Variants in XPO6 observed in about 807,000 individuals in gnomAD.
XPO6 encodes the protein exportin-6.
A neutral mutation model predicts 130.0 loss-of-function variants in XPO6; 3 were observed. The observed-to-expected ratio is 0.02, with a 90% confidence interval of 0.01 to 0.06. XPO6 has a LOEUF of 0.06. XPO6 is among the 10% of genes least tolerant of loss of function. The pLI is 1.00. For missense variants in XPO6, 970 were observed against 1,393.0 expected (o/e 0.70, Z 4.83); for synonymous variants, 524 against 548.9 (o/e 0.95, Z 0.63).
intron 14 of XPO6, among the ~76,000 whole-genome samples, chr16:28,119,359 A>G (rs182424459): frequency 8.4e-4 from 128 of 152,268 alleles, no homozygotes; most frequent in Non-Finnish European, 1.4e-3. Context: ...CAACAATTAC[A>G]GGGAAATTTG....
At chr16:28,099,168 G>C (rs2086599519) in intron 23 of XPO6, among the ~76,000 whole-genome samples, 1 of 152,182 alleles carries the variant, frequency 6.6e-6, no homozygotes, top group African/African-American at 2.4e-5. Context: ...CCCCTCGAGA[G>C]CCACCCGAGC....
At chr16:28,131,739 T>G (rs2042674289) in intron 12 of XPO6, among the ~76,000 whole-genome samples, 1 of 152,148 alleles carries the variant, frequency 6.6e-6, no homozygotes, top group African/African-American at 2.4e-5. Flanking sequence ...TTAAGTAATA[T>G]AAGTCAATAA....
intron 1 of XPO6, among the ~76,000 whole-genome samples, chr16:28,197,744 G>A (rs919124583): frequency 3.2e-4 from 49 of 151,182 alleles, no homozygotes; most frequent in African/African-American, 1.2e-3. Context: ...GTGAAACCCC[G>A]TCTCTACTAA....
intron 6 of XPO6, among the ~76,000 whole-genome samples, chr16:28,157,835 G>T (rs930337676): frequency 2.0e-5 from 3 of 152,232 alleles, no homozygotes; most frequent in African/African-American, 7.2e-5. Flanking sequence ...CCATTCTGAG[G>T]AGGACCTGGC....
chr16:28,133,763 G>A, intron 11 of XPO6, 78 bp downstream of exon 11: 2 of 1,309,414 alleles, frequency 1.5e-6, no homozygotes, highest in East Asian at 2.4e-5. Context: ...GAGAGAGAGA[G>A]ATCCAGGGGA....
intron 8 of XPO6, chr16:28,146,440 C>T: frequency 2.6e-6 from 1 of 388,798 alleles, no homozygotes; most frequent in Non-Finnish European, 4.7e-6. Flanking sequence ...GCAGCATAAA[C>T]TGAGTTATAA....
At chr16:28,118,525 T>C (rs551275854) in intron 14 of XPO6, among the ~76,000 whole-genome samples, 27 of 152,276 alleles carry the variant, frequency 1.8e-4, no homozygotes, top group African/African-American at 5.8e-4. Flanking sequence ...CATGCCAGGC[T>C]AATTGTCGTA....
chr16:28,181,235 T>C, intron 1 of XPO6: 1 of 478,078 alleles, frequency 2.1e-6, no homozygotes, highest in Non-Finnish European at 3.7e-6. Context: ...TGTTGCATCC[T>C]CTATAAATTC....
chr16:28,204,171 C>T (rs1379117084), intron 1 of XPO6, among the ~76,000 whole-genome samples: 2 of 152,086 alleles, frequency 1.3e-5, no homozygotes, highest in East Asian at 1.9e-4. Context: ...GATACATGAA[C>T]AAAAGAGAGA....
chr16:28,151,495 T>C (rs1288995379), intron 8 of XPO6, among the ~76,000 whole-genome samples: 1 of 152,150 alleles, frequency 6.6e-6, no homozygotes, highest in Non-Finnish European at 1.5e-5. Context: ...TCAGAGAAGC[T>C]CTAAAACAGG....
intron 1 of XPO6, among the ~76,000 whole-genome samples, chr16:28,190,833 T>C (rs1373422205): frequency 2.1e-5 from 3 of 140,428 alleles, no homozygotes; most frequent in East Asian, 3.9e-4. Flanking sequence ...AAAAAATACA[T>C]GTGTGTGTGA....
chr16:28,154,953 A>G (rs1448566264), intron 7 of XPO6, among the ~76,000 whole-genome samples: 2 of 152,220 alleles, frequency 1.3e-5, no homozygotes, highest in East Asian at 3.8e-4. Flanking sequence ...GAAAGCTATC[A>G]CCAAATAATT....
intron 13 of XPO6, among the ~76,000 whole-genome samples, chr16:28,122,056 T>G (rs1457545051): frequency 6.6e-6 from 1 of 152,122 alleles, no homozygotes; most frequent in African/African-American, 2.4e-5. Context: ...AAACCATGCT[T>G]AGAGGCATAT....
At chr16:28,125,328 C>A (rs911955798) in intron 13 of XPO6, among the ~76,000 whole-genome samples, 7 of 152,174 alleles carry the variant, frequency 4.6e-5, no homozygotes, top group African/African-American at 1.7e-4. Context: ...GAAGACTGAC[C>A]TCTCCTGGTT....
intron 1 of XPO6, among the ~76,000 whole-genome samples, chr16:28,195,908 T>C (rs2043853499): frequency 6.6e-6 from 1 of 152,200 alleles, no homozygotes. Context: ...TCACAAACAT[T>C]CATTCTTTAG....
At chr16:28,105,210 A>C (rs2086747606) in intron 20 of XPO6, among the ~76,000 whole-genome samples, 1 of 152,200 alleles carries the variant, frequency 6.6e-6, no homozygotes, top group South Asian at 2.1e-4. Context: ...GCTCCCCAGA[A>C]GGGGAGGGTT....
chr16:28,148,183 G>A lies in XPO6; in HGVS notation c.1225-1980C>T, dbSNP rs555887421. The stretch of plus-strand genomic sequence containing the variant: ...ACATAAATCCAAGTATTATGGCTCC[G>A]TCAAAGTACTTTATAATTATACATA... On this transcript the variant is annotated intron_variant, in intron 8 of 23. Transcript: ENST00000304658. 4.6e-5 allele frequency among the ~76,000 whole-genome samples: 7 copies of A among 152,268 alleles called. 1 individual carries two copies. In the East Asian group the frequency reaches 5.8e-4, roughly 13 times the overall value.
chr16:28,098,610 G>A lies in XPO6; in HGVS notation c.3306C>T (p.His1102=). 1.2e-6 allele frequency: 2 copies of A among 1,612,534 alleles called. No individual in the cohort carries two copies. The highest frequency in any genetic ancestry group is 1.7e-6 in the Non-Finnish European group (2 of 1,179,016). The change falls in exon 24 of 24, where the codon CAC becomes CAT. Residue 1102 remains histidine, a synonymous_variant. Coordinates refer to ENST00000304658, the MANE Select transcript of XPO6 (RefSeq NM_015171.4). ...RDLPSFTQNV[H]RLVNDLRYYR... ...AGTAGCGCAGGTCGTTGACCAGCCT[G>A]TGCACATTCTGGGTGAATGAGGGCA...
Position 28,125,813 on chromosome 16 carries a change from G to C in XPO6, c.1642C>G (p.Arg548Gly). 6.2e-7 allele frequency: 1 copy of C among 1,614,114 alleles called. No homozygotes were observed. Among genetic ancestry groups the C allele is most frequent in the East Asian group, 2.2e-5 (1 of 44,886 alleles). The change falls in exon 13 of 24, where the codon CGG (arginine) becomes GGG (glycine). Residue 548 changes from arginine to glycine, a missense_variant. Transcript: ENST00000304658. ...TCTCTCAGGGAGCAGTGCAGCCGCC[G>C]GCAGTCGTTCTCCGCCGTGATGTTC... ...RLNITAENDC[R>G]RLHCSLRDLS...
Sources: gnomAD v4.1 joint callset for allele counts (sites outside exome capture counted in the v4.1 genomes callset) on GRCh38, gnomAD v4.1.1 for gene constraint, MANE v1.5 for transcripts, NCBI Gene and HGNC (gene_info 2026-07-23, HGNC 2026-07-21) for gene names.